The following NRL variants were observed in gnomAD, a reference collection of about 807,000 sequenced individuals.
NRL encodes neural retina leucine zipper.
In NRL, 16 loss-of-function variants were observed where a neutral mutation model predicts 12.5. That is an observed-to-expected ratio of 1.28 (90% CI 0.87 to 1.95). The LOEUF (loss-of-function observed/expected upper bound fraction) is 1.95, where lower values mean the gene tolerates loss of function less well. NRL is among the 30% of genes most tolerant of loss of function. The pLI is 0.00. For synonymous variants in NRL, 142 were observed against 150.9 expected (o/e 0.94, Z 0.43); for missense variants, 314 against 325.8 (o/e 0.96, Z 0.28).
chr14:24,114,559 T>A (rs1344635645), intron 1 of NRL, 163 bp downstream of exon 1: 5 of 476,730 alleles, frequency 1.0e-5, no homozygotes, highest in African/African-American at 6.3e-5. Flanking sequence ...CCACCAAACG[T>A]TTCTTTTTTA....
chr14:24,099,462 G>T, intron 1 of NRL: 2 of 1,193,254 alleles, frequency 1.7e-6, no homozygotes, highest in East Asian at 2.3e-5. Flanking sequence ...AATAAACATT[G>T]GTCCTCCCTA....
chr14:24,086,777 T>C (rs1314687167), intron 1 of NRL, among the ~76,000 whole-genome samples: 2 of 152,196 alleles, frequency 1.3e-5, no homozygotes, highest in Non-Finnish European at 2.9e-5. Context: ...GCTAAGCTGC[T>C]AACGGGCTAA....
intron 1 of NRL, among the ~76,000 whole-genome samples, chr14:24,101,325 C>A (rs2037152334): frequency 6.6e-6 from 1 of 152,222 alleles, no homozygotes; most frequent in South Asian, 2.1e-4. Context: ...CAATGGCGGG[C>A]AGAAGCTGGC....
At chr14:24,104,473 CAA>C (rs59451696) in intron 1 of NRL, among the ~76,000 whole-genome samples, 37 of 119,354 alleles carry the variant, frequency 3.1e-4, no homozygotes, top group Non-Finnish European at 4.0e-4. Context: ...ACTAAAAATA[CAA>C]AAAAAAAAAA....
chr14:24,087,469 G>T (rs2036494701), intron 1 of NRL, among the ~76,000 whole-genome samples: 1 of 152,104 alleles, frequency 6.6e-6, no homozygotes, highest in African/African-American at 2.4e-5. Context: ...AAAATGAAGA[G>T]GAAGGAGAGA....
intron 1 of NRL, among the ~76,000 whole-genome samples, chr14:24,109,088 C>T (rs1400226978): frequency 6.6e-6 from 1 of 152,150 alleles, no homozygotes; most frequent in African/African-American, 2.4e-5. Context: ...CAGAAATTGT[C>T]CTAAAATGGG....
At position 24,080,958 on chromosome 14, in the gene NRL, C is replaced by G. The variant is rs998002652; in HGVS notation, c.*278G>C. The G allele has an allele frequency of 2.3e-5, 8 of 342,914 alleles. No homozygotes were observed. The highest frequency in any genetic ancestry group is 4.2e-5 in the Non-Finnish European group (8 of 190,894). 21.2% of individuals were successfully genotyped at this position (342,914 alleles called of 1,614,324 possible). A position where few individuals can be genotyped will look rare whatever the true frequency, so the allele number is the denominator to read the frequency against. On this transcript the variant is annotated 3_prime_UTR_variant, in exon 3 of 3. Transcript: ENST00000561028. ...ACTGTGTCACCACACTTCCACCCCC[C>G]AGTGCCTGGCACTGGTCCCTGCAGA...
intron 1 of NRL, among the ~76,000 whole-genome samples, chr14:24,105,033 A>C (rs919743288): frequency 2.0e-5 from 3 of 152,218 alleles, no homozygotes; most frequent in Admixed American, 2.0e-4. Flanking sequence ...CAGCCTTCAG[A>C]GCTGACAGCC....
At chr14:24,083,363 C>T (rs1022819941) in intron 1 of NRL, among the ~76,000 whole-genome samples, 2 of 152,202 alleles carry the variant, frequency 1.3e-5, no homozygotes, top group Non-Finnish European at 2.9e-5. Context: ...CTCTGTCTCT[C>T]AAAGCACTCA....
In NRL at chr14:24,081,236, TCA is replaced by T; in HGVS notation, c.712_713del (p.Ter238SerfsTer9). ...TACACCACAAGGTGCTCTGAACGGCTCAGAGGAAGAGGTGGGAGGGGTCCCCG... is the reference window on the plus strand; with the variant it reads ...TACACCACAAGGTGCTCTGAACGGCTGAGGAAGAGGTGGGAGGGGTCCCCG... Reference protein sequence around the residue: ...GSGDPSHLFL* With the variant: ...GSGDPSHLFLX On this transcript the variant is annotated frameshift_variant and stop_lost, in exon 3 of 3. Coordinates refer to ENST00000561028, the MANE Select transcript of NRL (RefSeq NM_001354768.3). LOFTEE classifies it high-confidence loss of function. The surrounding 1 kb of genome is among the most constrained non-coding windows in gnomAD (Gnocchi z 4.4). The T allele has an allele frequency of 6.7e-7, 1 of 1,488,870 alleles. No individual in the cohort carries two copies. The highest frequency in any genetic ancestry group is 9.0e-7 in the Non-Finnish European group (1 of 1,116,620). The allele number at this position is 1,488,870 out of a possible 1,614,324, so 92.2% of individuals were successfully genotyped here.
rs752562252 is a variant in NRL, at chr14:24,081,601, G to A, written c.382-33C>T. 1.3e-6 allele frequency: 2 copies of A among 1,562,532 alleles called. No homozygotes were observed. Among genetic ancestry groups the A allele is most frequent in the South Asian group, 1.2e-5 (1 of 85,102 alleles). ...GGGAGAATGCAGAAACCGGGTCAGC[G>A]CCAGGTCGCACCCGGCTCTGCCCTG... On this transcript the variant is annotated intron_variant, in intron 2 of 2. Coordinates refer to ENST00000561028, the MANE Select transcript of NRL (RefSeq NM_001354768.3). This position sits in a 1 kb window ranked among gnomAD's most constrained non-coding sequence, Gnocchi z 4.4.
chr14:24,101,530 TCCCTA>T (rs982818522), intron 1 of NRL, among the ~76,000 whole-genome samples: 1 of 152,218 alleles, frequency 6.6e-6, no homozygotes, highest in African/African-American at 2.4e-5. Context: ...CCTGAGGTTA[TCCCTA>T]CCCATGTGAT....
chr14:24,089,112 G>A (rs997871010), intron 1 of NRL, among the ~76,000 whole-genome samples: 2 of 151,296 alleles, frequency 1.3e-5, no homozygotes, highest in African/African-American at 4.9e-5. Flanking sequence ...CCTAATTTTT[G>A]TATTTTTAGT....
intron 1 of NRL, among the ~76,000 whole-genome samples, chr14:24,087,404 T>C (rs1452384417): frequency 6.6e-6 from 1 of 152,060 alleles, no homozygotes; most frequent in Non-Finnish European, 1.5e-5. Context: ...TGGAGTGATA[T>C]TGGACCATGG....
intron 1 of NRL, chr14:24,084,420 A>C (rs1282747363): frequency 2.5e-6 from 1 of 395,130 alleles, no homozygotes; most frequent in Admixed American, 6.4e-5. Flanking sequence ...TAGGGTACCA[A>C]GGTGTTAGGA....
intron 1 of NRL, among the ~76,000 whole-genome samples, chr14:24,106,184 A>G (rs1348562249): frequency 2.0e-5 from 3 of 152,240 alleles, no homozygotes; most frequent in East Asian, 1.9e-4. Context: ...GCTTAGGATA[A>G]CTTCTGTGCA....
intron 1 of NRL, among the ~76,000 whole-genome samples, chr14:24,105,438 CACAT>C (rs1466193259): frequency 1.3e-5 from 2 of 152,224 alleles, no homozygotes; most frequent in African/African-American, 2.4e-5. Context: ...GTGTTCTAAG[CACAT>C]ACCTAACAAC....
chr14:24,083,179 C>G (rs1281001096), intron 1 of NRL, among the ~76,000 whole-genome samples: 3 of 152,198 alleles, frequency 2.0e-5, no homozygotes, highest in African/African-American at 7.2e-5. Flanking sequence ...TGCTCCCAAC[C>G]CTAGTGCTGA....
chr14:24,099,698 T>C, intron 1 of NRL: 1 of 1,613,764 alleles, frequency 6.2e-7, no homozygotes, highest in Non-Finnish European at 8.5e-7. Context: ...ATGATATTGC[T>C]TGGATGAGGT....
Sources: gnomAD v4.1 joint callset for allele counts (sites outside exome capture counted in the v4.1 genomes callset) on GRCh38, gnomAD v4.1.1 for gene constraint, Gnocchi (gnomAD v3.1) non-coding constraint, MANE v1.5 for transcripts, NCBI Gene and HGNC (gene_info 2026-07-23, HGNC 2026-07-21) for gene names.